The following CAMKMT variants were observed in gnomAD, a reference collection of about 807,000 sequenced individuals.
The protein encoded by CAMKMT is calmodulin-lysine N-methyltransferase.
CAMKMT carries 53 observed loss-of-function variants against 48.0 expected under a neutral mutation model. That is an observed-to-expected ratio of 1.10 (90% confidence interval 0.89 to 1.39). The LOEUF (loss-of-function observed/expected upper bound fraction) is 1.39. CAMKMT is among the 40% of genes most tolerant of loss of function. CAMKMT has a pLI of 0.00. For synonymous variants in CAMKMT, 165 were observed against 152.3 expected, an observed-to-expected ratio of 1.08 and a Z score of -0.61; for missense variants, 428 against 402.7, an observed-to-expected ratio of 1.06 and a Z score of -0.54.
intron 3 of CAMKMT, among the ~76,000 whole-genome samples, chr2:44,703,771 TAAA>T (rs547342457): frequency 2.4e-5 from 2 of 84,098 alleles, no homozygotes; most frequent in Admixed American, 1.4e-4. Flanking sequence ...AGCAAGACTC[TAAA>T]AAAAAAAAAA....
At chr2:44,665,049 T>C (rs929262045) in intron 3 of CAMKMT, among the ~76,000 whole-genome samples, 3 of 152,228 alleles carry the variant, frequency 2.0e-5, no homozygotes, top group Admixed American at 6.5e-5. Context: ...AAAGAAGAAG[T>C]TCTCAAAGAG....
chr2:44,422,325 C>G (rs1683987913), intron 3 of CAMKMT, among the ~76,000 whole-genome samples: 1 of 152,194 alleles, frequency 6.6e-6, no homozygotes, highest in Non-Finnish European at 1.5e-5. Context: ...ATTACCCAGT[C>G]TCAGGTATTT....
At chr2:44,396,877 G>A (rs1262493217) in intron 3 of CAMKMT, among the ~76,000 whole-genome samples, 5 of 151,876 alleles carry the variant, frequency 3.3e-5, no homozygotes, top group Non-Finnish European at 1.5e-5. Context: ...TGGCCAACAT[G>A]GTGAAACCCT....
chr2:44,509,698 A>C (rs1280610978), intron 3 of CAMKMT, among the ~76,000 whole-genome samples: 1 of 152,172 alleles, frequency 6.6e-6, no homozygotes, highest in African/African-American at 2.4e-5. Context: ...GTTAAGAGGG[A>C]TTAATGCTGC....
intron 3 of CAMKMT, among the ~76,000 whole-genome samples, chr2:44,695,554 A>G (rs1440530605): frequency 6.6e-6 from 1 of 152,186 alleles, no homozygotes; most frequent in African/African-American, 2.4e-5. Context: ...TATTCAAAAG[A>G]CCATGCATTT....
intron 3 of CAMKMT, among the ~76,000 whole-genome samples, chr2:44,583,358 G>A: frequency 6.6e-6 from 1 of 152,170 alleles, no homozygotes; most frequent in Non-Finnish European, 1.5e-5. Flanking sequence ...AATTTTTAAT[G>A]CAAGTTTTAC....
intron 3 of CAMKMT, among the ~76,000 whole-genome samples, chr2:44,489,740 A>G (rs1395399440): frequency 6.6e-6 from 1 of 152,240 alleles, no homozygotes; most frequent in African/African-American, 2.4e-5. Flanking sequence ...GTAACATATT[A>G]GAAAAATTGG....
intron 3 of CAMKMT, among the ~76,000 whole-genome samples, chr2:44,683,840 AAAAGAAAAAGAAAAAAGAAAAAG>A (rs1676179075): frequency 6.7e-6 from 1 of 149,158 alleles, no homozygotes; most frequent in African/African-American, 2.5e-5. Flanking sequence ...AAAAAAAAAA[AAAAGAAAAAGAAAAAAGAAAAAG>A]AAAAGAAAAA....
At chr2:44,675,964 GT>G (rs1675665443) in intron 3 of CAMKMT, among the ~76,000 whole-genome samples, 1 of 152,118 alleles carries the variant, frequency 6.6e-6, no homozygotes, top group Non-Finnish European at 1.5e-5. Flanking sequence ...TTAGCATGAT[GT>G]CCCCCAAGGT....
At position 44,684,345 on chromosome 2, in the gene CAMKMT, G is replaced by A. The variant is rs993187668; in HGVS notation, c.377-19938G>A. ...ATTTTTGTATTTTTCCTAACAGAAGGATAATTGTGGTGTCAAGTTCAGAGC... is the reference window on the plus strand; with the variant it reads ...ATTTTTGTATTTTTCCTAACAGAAGAATAATTGTGGTGTCAAGTTCAGAGC... On this transcript the variant is annotated intron_variant, in intron 3 of 10. Coordinates refer to ENST00000378494, the MANE Select transcript of CAMKMT (RefSeq NM_024766.5). Among the ~76,000 whole-genome samples, 8 of 152,188 alleles carry A rather than the reference G, an allele frequency of 5.3e-5. No homozygotes were observed. In the South Asian group the frequency reaches 6.2e-4, roughly 12 times the overall value.
At chr2:44,472,124 G>T (rs1374259816) in intron 3 of CAMKMT, among the ~76,000 whole-genome samples, 10 of 152,256 alleles carry the variant, frequency 6.6e-5, no homozygotes, top group African/African-American at 2.4e-4. Context: ...CGGCTGGAGT[G>T]CAGTGGTACA....
At chr2:44,521,481 A>G (rs1169648870) in intron 3 of CAMKMT, among the ~76,000 whole-genome samples, 1 of 152,126 alleles carries the variant, frequency 6.6e-6, no homozygotes, top group Non-Finnish European at 1.5e-5. Context: ...GGGTTTCACC[A>G]TGTTGGCCAG....
At chr2:44,486,642 A>G (rs573139190) in intron 3 of CAMKMT, among the ~76,000 whole-genome samples, 1 of 152,350 alleles carries the variant, frequency 6.6e-6, no homozygotes, top group African/African-American at 2.4e-5. Context: ...GAATGTTGTT[A>G]AAGGAACTTT....
chr2:44,428,077 AAGT>A (rs986079796), intron 3 of CAMKMT, among the ~76,000 whole-genome samples: 14 of 152,140 alleles, frequency 9.2e-5, no homozygotes, highest in African/African-American at 3.1e-4. Context: ...ACTGTTGGCT[AAGT>A]GTTAACCAGC....
At chr2:44,461,445 G>A (rs957436400) in intron 3 of CAMKMT, among the ~76,000 whole-genome samples, 2 of 152,120 alleles carry the variant, frequency 1.3e-5, no homozygotes, top group Non-Finnish European at 2.9e-5. Context: ...TGGGTGAGGT[G>A]GGATTAAAAC....
At chr2:44,398,562 CTTTTCTTTTT>C (rs1380657113) in intron 3 of CAMKMT, among the ~76,000 whole-genome samples, 2 of 111,524 alleles carry the variant, frequency 1.8e-5, no homozygotes, top group African/African-American at 3.4e-5. Context: ...TTTTTCTTTT[CTTTTCTTTTT>C]TTTTTTTTTT....
At chr2:44,743,589 A>T (rs1190782515) in intron 7 of CAMKMT, 33 bp from the exon 8 acceptor site, 2 of 1,482,484 alleles carry the variant, frequency 1.3e-6, no homozygotes, top group Non-Finnish European at 9.3e-7. Flanking sequence ...AAAAAACCCT[A>T]TGTATAATTT....
chr2:44,706,355 C>G lies in CAMKMT; in HGVS notation c.492+14C>G. 6.2e-7 allele frequency: 1 copy of G among 1,612,702 alleles called. No individual in the cohort carries two copies. Among genetic ancestry groups the G allele is most frequent in the South Asian group, 1.1e-5 (1 of 91,042 alleles). ...GCTGGGCTCATGGTAGGTCTTTTCT[C>G]CATTCCAATCCCATTCAGAGGGAGG... is the stretch of plus-strand genomic sequence containing the variant. On this transcript the variant is annotated intron_variant, in intron 5 of 10. Coordinates refer to ENST00000378494, the MANE Select transcript of CAMKMT (RefSeq NM_024766.5).
rs555645393 is a variant in CAMKMT at position 44,635,298 on chromosome 2, A to G, written c.377-68985A>G. Among the ~76,000 whole-genome samples, 7 of 152,276 alleles carry G rather than the reference A, an allele frequency of 4.6e-5. No homozygotes were observed. In the South Asian group the frequency reaches 1.5e-3, roughly 32 times the overall value. ...TGTAAGCTACCTTAATTGGTACCCT[A>G]AGGGGCTAGTTATTGTTATGAAAGC... On this transcript the variant is annotated intron_variant, in intron 3 of 10. Coordinates refer to ENST00000378494, the MANE Select transcript of CAMKMT (RefSeq NM_024766.5).
Sources: gnomAD v4.1 joint callset for allele counts (sites outside exome capture counted in the v4.1 genomes callset) on GRCh38, gnomAD v4.1.1 for gene constraint, MANE v1.5 for transcripts, NCBI Gene and HGNC (gene_info 2026-07-23, HGNC 2026-07-21) for gene names.